The following EPHA10 variants were observed in gnomAD, a reference collection of about 807,000 sequenced individuals.
The protein encoded by EPHA10 is EPH receptor A10.
Under a neutral mutation model 109.7 loss-of-function variants are expected in EPHA10, and 120 were observed. The ratio of observed to expected loss-of-function variants is 1.09; its 90% CI spans 0.94 to 1.27. EPHA10 has a LOEUF of 1.27. Ranked by LOEUF, EPHA10 falls within the 50% of genes most tolerant of loss-of-function variation. The pLI, the probability that EPHA10 is intolerant of heterozygous loss-of-function variation, is 0.00. For synonymous variants in EPHA10, 640 were observed against 618.9 expected (o/e 1.03, Z -0.51); for missense variants, 1,396 against 1,411.1 (o/e 0.99, Z 0.17).
Position 37,753,108 on chromosome 1 carries a change from C to A in EPHA10, c.1125G>T (p.Leu375=). The A allele has an allele frequency of 7.2e-7, 1 of 1,389,008 alleles. No homozygotes were observed. Among genetic ancestry groups the A allele is most frequent in the Non-Finnish European group, 9.3e-7 (1 of 1,070,340 alleles). 86.0% of individuals were successfully genotyped at this position (1,389,008 alleles called of 1,614,324 possible). The change falls in exon 5 of 17, where the codon CTG becomes CTT. Residue 375 remains leucine (L), a synonymous_variant. Coordinates refer to ENST00000373048, the MANE Select transcript of EPHA10 (RefSeq NM_001099439.2). ...SGGRSDVTYS[L]LCLRCGREGP... ...CCTCGCGGCCGCAGCGCAGGCACAG[C>A]AGCGAGTAGGTGACGTCCGAGCGGC...
Position 37,718,656 on chromosome 1 carries a change from C to A in EPHA10, c.2912+5G>T. 6.2e-7 allele frequency: 1 copy of A among 1,613,172 alleles called. No individual in the cohort carries two copies. The highest frequency in any genetic ancestry group is 8.5e-7 in the Non-Finnish European group (1 of 1,180,032). On this transcript the variant is annotated splice_donor_5th_base_variant and intron_variant, in intron 16 of 16. Coordinates refer to ENST00000373048, the MANE Select transcript of EPHA10 (RefSeq NM_001099439.2). ...CCGGCCTTGACCTTGGTGCCTTGGA[C>A]TCACTGGGCAGTCATCTCGGCCACG...
chr1:37,761,334 A>C (rs763044737), intron 3 of EPHA10, 71 bp downstream of exon 3: 98 of 1,570,494 alleles, frequency 6.2e-5, no homozygotes, highest in Non-Finnish European at 8.3e-5. Flanking sequence ...TCTTTCCTCT[A>C]GGGCACACTC....
intron 14 of EPHA10, 132 bp from the exon 15 acceptor site, chr1:37,719,739 C>T: frequency 2.1e-6 from 3 of 1,409,842 alleles, no homozygotes; most frequent in African/African-American, 2.8e-5. Flanking sequence ...CAGACACACA[C>T]ACACACACCC....
intron 6 of EPHA10, chr1:37,734,685 A>G (rs1038089051): frequency 6.6e-6 from 3 of 453,064 alleles, no homozygotes; most frequent in Non-Finnish European, 1.3e-5. Flanking sequence ...CAGCACAAGT[A>G]TCCTATGGGG....
At chr1:37,718,612 C>T in intron 16 of EPHA10, 49 bp downstream of exon 16, 1 of 1,612,514 alleles carries the variant, frequency 6.2e-7, no homozygotes, top group Non-Finnish European at 8.5e-7. Flanking sequence ...AGGGGCAGGG[C>T]CTGTGGAATC....
intron 7 of EPHA10, among the ~76,000 whole-genome samples, chr1:37,728,806 T>A (rs1032658166): frequency 1.3e-5 from 2 of 151,892 alleles, no homozygotes; most frequent in African/African-American, 4.8e-5. Flanking sequence ...AGCCCAGGGT[T>A]CCAGAGGCAA....
chr1:37,737,092 AC>A (rs1191242284), intron 5 of EPHA10, among the ~76,000 whole-genome samples: 3 of 152,288 alleles, frequency 2.0e-5, no homozygotes, highest in African/African-American at 4.8e-5. Context: ...AATAGAAAAA[AC>A]ATCCTAAAAT....
At chr1:37,719,386 A>C (rs775641899) in intron 15 of EPHA10, 28 bp downstream of exon 15, 1 of 1,600,884 alleles carries the variant, frequency 6.2e-7, no homozygotes, top group Non-Finnish European at 8.5e-7. Flanking sequence ...GACAGGTGAG[A>C]GGCTGGCTGT....
chr1:37,731,734 C>T (rs1176618987), intron 6 of EPHA10, 152 bp from the exon 7 acceptor site: 4 of 764,350 alleles, frequency 5.2e-6, no homozygotes, highest in Non-Finnish European at 7.8e-6. Context: ...TGGGGTTTCC[C>T]AGGGATCTTT....
chr1:37,720,260 G>A (rs955746155), intron 13 of EPHA10, 91 bp downstream of exon 13: 12 of 1,444,272 alleles, frequency 8.3e-6, no homozygotes, highest in Non-Finnish European at 1.0e-5. Flanking sequence ...TGGAGGGGCA[G>A]GGAAAGGAGT....
chr1:37,731,300 TC>T (rs1645977335), intron 7 of EPHA10, 110 bp downstream of exon 7: 1 of 1,228,674 alleles, frequency 8.1e-7, no homozygotes, highest in Non-Finnish European at 1.1e-6. Context: ...CAGGCTCCCT[TC>T]ATTGCACAGA....
At chr1:37,723,926 A>C (rs929099512) in intron 8 of EPHA10, among the ~76,000 whole-genome samples, 2 of 152,254 alleles carry the variant, frequency 1.3e-5, no homozygotes, top group Admixed American at 1.3e-4. Context: ...ACAGTCAACA[A>C]AGCCACAGGC....
intron 11 of EPHA10, 72 bp from the exon 12 acceptor site, chr1:37,720,916 A>C (rs1422967938): frequency 3.3e-6 from 5 of 1,522,776 alleles, no homozygotes; most frequent in Non-Finnish European, 4.5e-6. Flanking sequence ...TTTCCCCCCC[A>C]GGGTCCCAGA....
intron 5 of EPHA10, among the ~76,000 whole-genome samples, chr1:37,750,649 C>T (rs1646308208): frequency 6.6e-6 from 1 of 151,472 alleles, no homozygotes; most frequent in South Asian, 2.1e-4. Flanking sequence ...GCACAATTAT[C>T]ACTCGCTGCA....
At chr1:37,729,554 C>A (rs11807690) in intron 7 of EPHA10, among the ~76,000 whole-genome samples, 2 of 151,490 alleles carry the variant, frequency 1.3e-5, no homozygotes, top group Non-Finnish European at 2.9e-5. Context: ...AAGATTCCAT[C>A]GCTCTTTTTA....
intron 10 of EPHA10, chr1:37,722,370 A>G (rs1487647612): frequency 4.4e-6 from 1 of 225,836 alleles, no homozygotes; most frequent in Non-Finnish European, 9.1e-6. Flanking sequence ...ATGGATGACA[A>G]TGACATCTAT....
rs766084127 is a variant in EPHA10 at position 37,721,812 on chromosome 1, T to C, written c.1994A>G (p.Gln665Arg). 3 of 1,607,602 alleles carry C rather than the reference T, an allele frequency of 1.9e-6. No individual in the cohort carries two copies. In the Admixed American group the frequency reaches 5.0e-5, roughly 27 times the overall value. The change falls in exon 11 of 17, where the codon CAG becomes CGG. Residue 665 changes from glutamine to arginine, a missense_variant. Physicochemically the swap from Gln to Arg is conservative, Grantham distance 43. Transcript: ENST00000373048. ...RFGELCCGCL[Q>R]LPGRQELLVA... The stretch of plus-strand genomic sequence containing the variant: ...GAGCAGCTCCTGGCGACCGGGGAGC[T>C]GCAAGCAGCCACAGCACAGCTCCCC...
chr1:37,727,455 G>A (rs904694055), intron 7 of EPHA10, among the ~76,000 whole-genome samples: 11 of 152,192 alleles, frequency 7.2e-5, no homozygotes, highest in Admixed American at 3.9e-4. Context: ...CAGAGAGGCA[G>A]GAGTCCAGAC....
chr1:37,720,915 C>T (rs866032570), intron 11 of EPHA10, 71 bp from the exon 12 acceptor site: 2 of 1,525,300 alleles, frequency 1.3e-6, no homozygotes, highest in Non-Finnish European at 9.1e-7. Context: ...GTTTCCCCCC[C>T]AGGGTCCCAG....
Sources: allele counts gnomAD v4.1 joint callset (sites outside exome capture counted in the v4.1 genomes callset), GRCh38; gene constraint gnomAD v4.1.1; transcripts MANE v1.5; gene names NCBI Gene and HGNC (gene_info 2026-07-23, HGNC 2026-07-21).